IQGAP3: variants seen among roughly 807,000 people sequenced by gnomAD.
IQGAP3 encodes IQ motif containing GTPase activating protein 3.
In IQGAP3, 165 loss-of-function variants were observed where a neutral mutation model predicts 208.2. The observed-to-expected ratio is 0.79, with a 90% CI of 0.70 to 0.90. The LOEUF (loss-of-function observed/expected upper bound fraction) is 0.90. Among genes scored for constraint, IQGAP3 ranks in the 40% least tolerant of loss-of-function variants. IQGAP3 has a pLI of 0.00. For synonymous variants in IQGAP3, 703 were observed against 803.6 expected (o/e 0.87, Z 2.12); for missense variants, 1,811 against 2,043.1 (o/e 0.89, Z 2.19).
At chr1:156,572,343 G>T in intron 1 of IQGAP3, 150 bp downstream of exon 1, 1 of 838,738 alleles carries the variant, frequency 1.2e-6, no homozygotes, top group Non-Finnish European at 2.0e-6. Flanking sequence ...CACGGCGCCC[G>T]GGCTGAGGAT....
intron 15 of IQGAP3, 80 bp from the exon 16 acceptor site, chr1:156,550,431 C>A: frequency 9.8e-7 from 1 of 1,021,456 alleles, no homozygotes; most frequent in Non-Finnish European, 1.5e-6. Flanking sequence ...CCCAAGGGAA[C>A]CAAACTGCAG....
intron 37 of IQGAP3, among the ~76,000 whole-genome samples, chr1:156,527,381 G>A (rs1488362594): frequency 1.3e-5 from 2 of 151,992 alleles, no homozygotes; most frequent in African/African-American, 4.8e-5. Flanking sequence ...AGGAAGCTGA[G>A]GCAGGAGAAT....
chr1:156,535,190 A>T lies in IQGAP3; in HGVS notation c.3480T>A (p.Pro1160=), dbSNP rs1674634626. Residue 1160 remains proline, a synonymous_variant, in exon 28 of 38, where the codon CCT becomes CCA. Transcript: ENST00000361170. ...VLKATLAEKF[P]DATDSEVYKV... is the part of the protein sequence containing the mutation. ...TATAGACCTCGCTGTCTGTGGCGTC[A>T]GGGAATTTCTCTGCCAGAGTTGCCT... is the stretch of plus-strand genomic sequence containing the variant. The T allele has an allele frequency of 6.2e-7, 1 of 1,613,586 alleles. No individual in the cohort carries two copies. The highest frequency in any genetic ancestry group is 2.2e-5 in the East Asian group (1 of 44,840).
intron 26 of IQGAP3, among the ~76,000 whole-genome samples, 180 bp downstream of exon 26, chr1:156,538,628 AG>A (rs1674819745): frequency 6.6e-6 from 1 of 152,218 alleles, no homozygotes; most frequent in Admixed American, 6.5e-5. Context: ...TAATTATCAG[AG>A]GGGGTCTAAA....
intron 11 of IQGAP3, among the ~76,000 whole-genome samples, chr1:156,557,386 TG>T (rs1318602528): frequency 2.2e-4 from 1 of 4,452 alleles, no homozygotes; most frequent in African/African-American, 3.5e-4. Context: ...GGGAGGGAGG[TG>T]GGGGGGTCAG....
At position 156,548,710 on chromosome 1, in the gene IQGAP3, C is replaced by A; in HGVS notation, c.1864G>T (p.Glu622Ter). 6.3e-7 allele frequency: 1 copy of A among 1,597,506 alleles called. No homozygotes were observed. Among genetic ancestry groups the A allele is most frequent in the South Asian group, 1.1e-5 (1 of 89,208 alleles). ...CGCTCAGTCTGGGCTGCCTTGCCCTCCTTGATGGCTTGATTGATGGCAGCC... is the reference window on the plus strand; with the variant it reads ...CGCTCAGTCTGGGCTGCCTTGCCCTACTTGATGGCTTGATTGATGGCAGCC... ...GVAAINQAIK[E>*]GKAAQTERVL... The change falls in exon 17 of 38, where the codon GAG becomes TAG. Residue 622 changes from glutamate (E) to a stop codon, truncating the protein, a stop_gained. Transcript: ENST00000361170. LOFTEE classifies it high-confidence loss of function.
chr1:156,544,519 G>T (rs767323674), intron 19 of IQGAP3, 47 bp from the exon 20 acceptor site: 1 of 1,499,206 alleles, frequency 6.7e-7, no homozygotes, highest in Admixed American at 1.7e-5. Flanking sequence ...GGTCTCCTTT[G>T]GCCAGAAAGG....
chr1:156,551,342 T>A (rs1361199167), intron 15 of IQGAP3, among the ~76,000 whole-genome samples: 1 of 152,198 alleles, frequency 6.6e-6, no homozygotes, highest in Non-Finnish European at 1.5e-5. Flanking sequence ...GCCCCATTTG[T>A]CAATTCATTT....
intron 11 of IQGAP3, 109 bp from the exon 12 acceptor site, chr1:156,556,802 C>T: frequency 4.0e-6 from 4 of 1,011,588 alleles, no homozygotes; most frequent in Non-Finnish European, 5.6e-6. Context: ...AATGGCTTTC[C>T]AACTGCTCTC....
chr1:156,564,633 T>C lies in IQGAP3; in HGVS notation c.419A>G (p.Tyr140Cys). Residue 140 changes from tyrosine (Y) to cysteine (C), a missense_variant, in exon 5 of 38, where the codon TAC becomes TGC. Coordinates refer to ENST00000361170, the MANE Select transcript of IQGAP3 (RefSeq NM_178229.5). ...CTCTCACCTGAGAGCATGGATGCAGTAGACTACCCGGGGCATGTTCTTTTT... is the reference window on the plus strand; with the variant it reads ...CTCTCACCTGAGAGCATGGATGCAGCAGACTACCCGGGGCATGTTCTTTTT... ...YDKKNMPRVV[Y>C]CIHALSLFLF... is the part of the protein sequence containing the mutation. 2.5e-6 allele frequency: 4 copies of C among 1,613,580 alleles called. No homozygotes were observed. The highest frequency in any genetic ancestry group is 1.1e-5 in the South Asian group (1 of 91,062).
intron 26 of IQGAP3, among the ~76,000 whole-genome samples, chr1:156,537,789 G>T (rs972289426): frequency 6.6e-6 from 1 of 152,242 alleles, no homozygotes; most frequent in African/African-American, 2.4e-5. Flanking sequence ...CAGGCTATAA[G>T]GGCAACCTAT....
chr1:156,560,791 T>G, intron 11 of IQGAP3, 143 bp downstream of exon 11: 3 of 580,556 alleles, frequency 5.2e-6, no homozygotes, highest in Non-Finnish European at 9.3e-6. Context: ...ATAAAGCAGA[T>G]TATGTGAGGG....
At chr1:156,534,235 C>T (rs1674572541) in intron 29 of IQGAP3, 94 bp from the exon 30 acceptor site, 11 of 1,576,446 alleles carry the variant, frequency 7.0e-6, no homozygotes, top group Non-Finnish European at 9.5e-6. Flanking sequence ...CCAGTGATTG[C>T]TCAGGCCAAT....
intron 11 of IQGAP3, among the ~76,000 whole-genome samples, chr1:156,560,234 G>A (rs1000222596): frequency 6.6e-6 from 1 of 152,138 alleles, no homozygotes; most frequent in African/African-American, 2.4e-5. Context: ...TTTGTGGCCG[G>A]TCACAGTGAC....
chr1:156,569,721 A>G (rs954398014), intron 1 of IQGAP3, among the ~76,000 whole-genome samples: 4 of 151,864 alleles, frequency 2.6e-5, no homozygotes, highest in African/African-American at 9.7e-5. Flanking sequence ...GGGTTTCACC[A>G]TGTTAGCCAG....
intron 22 of IQGAP3, among the ~76,000 whole-genome samples, chr1:156,543,608 G>C (rs751063089): frequency 6.6e-6 from 1 of 152,186 alleles, no homozygotes; most frequent in Non-Finnish European, 1.5e-5. Context: ...TCCACACCAC[G>C]GAATAGATGT....
intron 2 of IQGAP3, among the ~76,000 whole-genome samples, 165 bp downstream of exon 2, chr1:156,569,211 T>C (rs1676530480): frequency 2.4e-5 from 3 of 125,276 alleles, no homozygotes; most frequent in Non-Finnish European, 4.9e-5. Flanking sequence ...TAAAAGGATG[T>C]GACTGGGATT....
At chr1:156,560,554 A>G (rs1676102188) in intron 11 of IQGAP3, among the ~76,000 whole-genome samples, 3 of 152,226 alleles carry the variant, frequency 2.0e-5, no homozygotes, top group Non-Finnish European at 2.9e-5. Flanking sequence ...ATTTGTATAT[A>G]ATGTTTTTAA....
At position 156,569,567 on chromosome 1, in the gene IQGAP3, G is replaced by A. The variant is rs1015763471; in HGVS notation, c.38-104C>T. The A allele has an allele frequency of 7.0e-5, 34 of 487,660 alleles. No homozygotes were observed. In the African/African-American group the frequency reaches 7.9e-4, roughly 11 times the overall value. 30.2% of individuals were successfully genotyped at this position (487,660 alleles called of 1,614,324 possible). Reference sequence around the variant, plus strand: ...TTTTTTTTTTTGAGACGCCCAGGCTGGAGTGCAGTGGCCCAATCTTGGCTC... The same window carrying A: ...TTTTTTTTTTTGAGACGCCCAGGCTAGAGTGCAGTGGCCCAATCTTGGCTC... On this transcript the variant is annotated intron_variant, in intron 1 of 37. Coordinates refer to ENST00000361170, the MANE Select transcript of IQGAP3 (RefSeq NM_178229.5).
Sources: gnomAD v4.1 joint callset for allele counts (sites outside exome capture counted in the v4.1 genomes callset) on GRCh38, gnomAD v4.1.1 for gene constraint, MANE v1.5 for transcripts, NCBI Gene and HGNC (gene_info 2026-07-23, HGNC 2026-07-21) for gene names.